ADGRB3: variants seen among roughly 807,000 people sequenced by gnomAD.
ADGRB3 encodes the protein brain-specific angiogenesis inhibitor 3.
Under a neutral mutation model 193.4 loss-of-function variants are expected in ADGRB3, and 37 were observed. That is an observed-to-expected ratio of 0.19 (90% CI 0.15 to 0.25). The LOEUF (loss-of-function observed/expected upper bound fraction) is 0.25. Among genes scored for constraint, ADGRB3 ranks in the 10% least tolerant of loss-of-function variants. The pLI, the probability that ADGRB3 is intolerant of heterozygous loss-of-function variation, is 1.00. For synonymous variants in ADGRB3, 690 were observed against 644.2 expected, an observed-to-expected ratio of 1.07 and a Z score of -1.08; for missense variants, 1,637 against 1,852.9, an observed-to-expected ratio of 0.88 and a Z score of 2.14.
intron 17 of ADGRB3, among the ~76,000 whole-genome samples, chr6:69,217,405 A>T (rs1442234076): frequency 2.6e-5 from 4 of 152,202 alleles, no homozygotes; most frequent in Admixed American, 2.6e-4. Context: ...AAAGATTTTT[A>T]TGATGTGATA....
chr6:69,043,334 G>GAAAGGAAGAAAGAA (rs1554252119), intron 13 of ADGRB3, among the ~76,000 whole-genome samples: 5 of 110,048 alleles, frequency 4.5e-5, no homozygotes, highest in African/African-American at 1.6e-4. Flanking sequence ...GAAAGAAAGA[G>GAAAGGAAGAAAGAA]AAAGAAAAGA....
intron 10 of ADGRB3, among the ~76,000 whole-genome samples, chr6:68,983,712 A>G (rs960038024): frequency 7.9e-5 from 12 of 152,082 alleles, no homozygotes; most frequent in Middle Eastern, 3.2e-3. Flanking sequence ...AATAAATTCA[A>G]TGTAAATATA....
chr6:68,685,866 C>T (rs924153097), intron 3 of ADGRB3, among the ~76,000 whole-genome samples: 1 of 152,170 alleles, frequency 6.6e-6, no homozygotes, highest in Non-Finnish European at 1.5e-5. Flanking sequence ...GCACTCCAGC[C>T]TGGGCGACAG....
chr6:68,732,623 G>T (rs1765794725), intron 3 of ADGRB3, among the ~76,000 whole-genome samples: 2 of 151,870 alleles, frequency 1.3e-5, no homozygotes, highest in African/African-American at 4.8e-5. Context: ...GCATTCAGCT[G>T]AGGTGGAACA....
chr6:69,224,147 A>G (rs564223276), intron 17 of ADGRB3, among the ~76,000 whole-genome samples: 1 of 152,120 alleles, frequency 6.6e-6, no homozygotes, highest in Admixed American at 6.6e-5. Context: ...ATTTTTCTAA[A>G]TGTATCATAT....
intron 3 of ADGRB3, among the ~76,000 whole-genome samples, chr6:68,840,434 A>G (rs1486539684): frequency 8.6e-6 from 1 of 116,168 alleles, no homozygotes; most frequent in Non-Finnish European, 1.6e-5. Context: ...TCTGTCACCT[A>G]GGCTGGAGTG....
At chr6:69,353,167 GC>G (rs1297203338) in intron 26 of ADGRB3, among the ~76,000 whole-genome samples, 1 of 150,656 alleles carries the variant, frequency 6.6e-6, no homozygotes, top group East Asian at 1.9e-4. Flanking sequence ...ACTATCAATT[GC>G]TTTTTGTGTT....
At chr6:68,670,092 T>C (rs1768907230) in intron 3 of ADGRB3, among the ~76,000 whole-genome samples, 1 of 152,008 alleles carries the variant, frequency 6.6e-6, no homozygotes, top group Non-Finnish European at 1.5e-5. Flanking sequence ...TATTCAAATC[T>C]TTTGCCCATT....
chr6:69,034,013 C>T (rs952440771), intron 13 of ADGRB3, among the ~76,000 whole-genome samples: 1 of 151,868 alleles, frequency 6.6e-6, no homozygotes, highest in East Asian at 1.9e-4. Flanking sequence ...CAGACAAAAC[C>T]TGACTCATTG....
chr6:69,202,078 G>A (rs779480), intron 17 of ADGRB3, among the ~76,000 whole-genome samples: 58,381 of 151,926 alleles, frequency 0.38, 12,275 homozygotes, highest in African/African-American at 0.56. Flanking sequence ...TCCTTCCTCA[G>A]TGTTCTACAG....
chr6:69,364,446 A>G (rs1415158570), intron 29 of ADGRB3, among the ~76,000 whole-genome samples: 1 of 152,096 alleles, frequency 6.6e-6, no homozygotes, highest in Non-Finnish European at 1.5e-5. Context: ...TCCAGCCTTC[A>G]TGGGAGTTTG....
chr6:68,701,270 G>C (rs1765238759), intron 3 of ADGRB3, among the ~76,000 whole-genome samples: 1 of 152,086 alleles, frequency 6.6e-6, no homozygotes, highest in Non-Finnish European at 1.5e-5. Flanking sequence ...CCATTGCCTC[G>C]ATATTTCATA....
chr6:69,324,289 G>A (rs1271751594), intron 20 of ADGRB3, among the ~76,000 whole-genome samples: 1 of 152,106 alleles, frequency 6.6e-6, no homozygotes. Flanking sequence ...ATTGTATTAA[G>A]TACTTTAAAA....
intron 3 of ADGRB3, among the ~76,000 whole-genome samples, chr6:68,826,164 G>T (rs1767840348): frequency 6.6e-6 from 1 of 152,166 alleles, no homozygotes; most frequent in African/African-American, 2.4e-5. Context: ...CTCCATTTTA[G>T]TAGGGGCAAG....
intron 17 of ADGRB3, among the ~76,000 whole-genome samples, chr6:69,202,480 A>G (rs1028486840): frequency 6.6e-6 from 1 of 152,184 alleles, no homozygotes; most frequent in African/African-American, 2.4e-5. Context: ...ACGGAGAGAG[A>G]GAGACAGAGT....
intron 19 of ADGRB3, among the ~76,000 whole-genome samples, chr6:69,235,691 G>T (rs995995208): frequency 2.6e-5 from 4 of 151,970 alleles, no homozygotes; most frequent in African/African-American, 4.8e-5. Flanking sequence ...TTGATTAAAA[G>T]AAGTCATAAA....
At chr6:68,839,043 T>TTC (rs765039311) in intron 3 of ADGRB3, among the ~76,000 whole-genome samples, 6 of 148,598 alleles carry the variant, frequency 4.0e-5, no homozygotes, top group African/African-American at 1.5e-4. Flanking sequence ...CTATCTCTCT[T>TTC]TCTCTCTCTC....
chr6:68,791,748 G>T (rs1005397244), intron 3 of ADGRB3, among the ~76,000 whole-genome samples: 1 of 152,120 alleles, frequency 6.6e-6, no homozygotes, highest in Non-Finnish European at 1.5e-5. Flanking sequence ...GATGAGCAAG[G>T]TAAAGGTATT....
In ADGRB3 at chr6:68,995,799, A is replaced by G. The variant is rs1717217132; in HGVS notation, c.1929+1837A>G. ...CCTTCCTCTCCCATCTCTGCCTGTC[A>G]TAATTCTAGCTCAACTCTGGTAAGT... On this transcript the variant is annotated intron_variant, in intron 11 of 31. Coordinates refer to ENST00000370598, the MANE Select transcript of ADGRB3 (RefSeq NM_001704.3). Among the ~76,000 whole-genome samples the G allele has an allele frequency of 1.3e-5, 2 of 152,160 alleles. 1 individual carries two copies. Among genetic ancestry groups the G allele is most frequent in the Non-Finnish European group, 2.9e-5 (2 of 68,018 alleles).
Sources: gnomAD v4.1 joint callset for allele counts (sites outside exome capture counted in the v4.1 genomes callset) on GRCh38, gnomAD v4.1.1 for gene constraint, MANE v1.5 for transcripts, NCBI Gene and HGNC (gene_info 2026-07-23, HGNC 2026-07-21) for gene names.